The following SCRG1 variants were observed in gnomAD, a reference collection of about 807,000 sequenced individuals.
The protein encoded by SCRG1 is scrapie-responsive protein 1.
Under a neutral mutation model 7.7 loss-of-function variants are expected in SCRG1, and 3 were observed. The observed-to-expected ratio is 0.39, with a 90% CI of 0.18 to 1.01. The LOEUF is 1.01. Among genes scored for constraint, SCRG1 ranks in the 50% least tolerant of loss-of-function variants. SCRG1 has a pLI of 0.36. For missense variants in SCRG1, 110 were observed against 117.2 expected, an observed-to-expected ratio of 0.94 and a Z score of 0.28; for synonymous variants, 46 against 41.2, an observed-to-expected ratio of 1.12 and a Z score of -0.44.
At chr4:173,515,422 T>TAA in the SCRG1 span, among the ~76,000 whole-genome samples, 483 of 148,982 alleles carry the variant, frequency 3.2e-3, 2 homozygotes, top group Middle Eastern at 0.01. This position sits in a 1 kb window ranked among gnomAD's most constrained non-coding sequence, Gnocchi z 4.6. Context: ...GTGTTTGTGC[T>TAA]AAAAAAAAAA....
chr4:173,471,359 T>G, the SCRG1 span, among the ~76,000 whole-genome samples: 5 of 152,190 alleles, frequency 3.3e-5, no homozygotes, highest in Admixed American at 3.3e-4. Flanking sequence ...GCCTGACCGC[T>G]GGCATTATTG....
the SCRG1 span, among the ~76,000 whole-genome samples, chr4:173,418,561 A>G: frequency 9.8e-5 from 15 of 152,348 alleles, no homozygotes; most frequent in African/African-American, 3.1e-4. Context: ...ACCAGTACGG[A>G]GTTTGAACAC....
the SCRG1 span, among the ~76,000 whole-genome samples, chr4:173,508,927 T>G: frequency 1.3e-5 from 2 of 152,156 alleles, no homozygotes; most frequent in Non-Finnish European, 2.9e-5. The surrounding 1 kb of genome is among the most constrained non-coding windows in gnomAD (Gnocchi z 4.4). Context: ...CTCTGACAGT[T>G]TCTGCTTGCA....
At chr4:173,485,260 A>C in the SCRG1 span, among the ~76,000 whole-genome samples, 4 of 136,844 alleles carry the variant, frequency 2.9e-5, no homozygotes, top group Non-Finnish European at 6.1e-5. Context: ...AAATGATGTC[A>C]TGTGACTTCT....
chr4:173,507,061 C>T, the SCRG1 span, among the ~76,000 whole-genome samples: 3 of 152,252 alleles, frequency 2.0e-5, no homozygotes, highest in Admixed American at 6.5e-5. This position sits in a 1 kb window ranked among gnomAD's most constrained non-coding sequence, Gnocchi z 4.4. Flanking sequence ...GGGGTGGGGG[C>T]ATTGCCCTCT....
upstream of SCRG1, among the ~76,000 whole-genome samples, chr4:173,401,355 A>G (rs1269022564): frequency 3.3e-5 from 5 of 152,354 alleles, no homozygotes; most frequent in Non-Finnish European, 5.9e-5. Context: ...ATATGTGAAT[A>G]TGAGGAGGAA....
At chr4:173,484,307 A>G in the SCRG1 span, among the ~76,000 whole-genome samples, 1 of 67,988 alleles carries the variant, frequency 1.5e-5, no homozygotes, top group African/African-American at 5.9e-5. Flanking sequence ...TATATTTTAT[A>G]TATTATATAT....
chr4:173,422,432 A>G, the SCRG1 span, among the ~76,000 whole-genome samples: 1 of 152,342 alleles, frequency 6.6e-6, no homozygotes. Context: ...AAGGATTTAT[A>G]GAGTGACTTC....
the SCRG1 span, among the ~76,000 whole-genome samples, chr4:173,517,433 G>GTT: frequency 6.6e-6 from 1 of 152,036 alleles, no homozygotes; most frequent in Non-Finnish European, 1.5e-5. Context: ...GGAGTTTTGC[G>GTT]TTTTTTACCG....
At chr4:173,512,496 G>A in the SCRG1 span, among the ~76,000 whole-genome samples, 12 of 152,228 alleles carry the variant, frequency 7.9e-5, no homozygotes, top group African/African-American at 2.4e-4. Context: ...AAGTGCACAC[G>A]CAGAGAAAGT....
intron 1 of SCRG1, among the ~76,000 whole-genome samples, chr4:173,398,803 G>A (rs1739673685): frequency 6.6e-6 from 1 of 152,196 alleles, no homozygotes. Context: ...ATAAATGATA[G>A]TGAAGAATCT....
chr4:173,408,968 G>A (rs1322272653), upstream of SCRG1, among the ~76,000 whole-genome samples: 9 of 146,240 alleles, frequency 6.2e-5, no homozygotes, highest in African/African-American at 2.3e-4. Flanking sequence ...CTCCGGCCTG[G>A]GCGAAAGAGC....
At chr4:173,500,829 A>G in the SCRG1 span, among the ~76,000 whole-genome samples, 1 of 150,334 alleles carries the variant, frequency 6.7e-6, no homozygotes, top group African/African-American at 2.5e-5. Flanking sequence ...TGGGGAGTTT[A>G]TTAAATAGTC....
the SCRG1 span, among the ~76,000 whole-genome samples, chr4:173,429,311 G>A: frequency 6.6e-6 from 1 of 151,748 alleles, no homozygotes; most frequent in Non-Finnish European, 1.5e-5. Context: ...TTGAGACAAA[G>A]TCTTGTTCTG....
chr4:173,483,688 T>TGTGATATATCATATATATTATA, the SCRG1 span, among the ~76,000 whole-genome samples: 1 of 1,208 alleles, frequency 8.3e-4, no homozygotes, highest in African/African-American at 9.2e-4. Context: ...ATATATTATA[T>TGTGATATATCATATATATTATA]TGTGATATAT....
the SCRG1 span, among the ~76,000 whole-genome samples, chr4:173,503,682 A>T: frequency 6.6e-6 from 1 of 152,220 alleles, no homozygotes; most frequent in Non-Finnish European, 1.5e-5. The surrounding 1 kb of genome is among the most constrained non-coding windows in gnomAD (Gnocchi z 6.4). Context: ...AACATGCTGG[A>T]GACCACAAAG....
At chr4:173,483,152 A>G in the SCRG1 span, among the ~76,000 whole-genome samples, 2 of 75,008 alleles carry the variant, frequency 2.7e-5, no homozygotes, top group South Asian at 5.1e-4. Context: ...AAATATACAT[A>G]TGAAATATAT....
intron 1 of SCRG1, among the ~76,000 whole-genome samples, chr4:173,395,376 G>A (rs1739575441): frequency 6.6e-6 from 1 of 152,192 alleles, no homozygotes; most frequent in African/African-American, 2.4e-5. Context: ...AGCCTATAGA[G>A]GTCTTATGTT....
At chr4:173,449,137 A>G in the SCRG1 span, among the ~76,000 whole-genome samples, 1 of 152,200 alleles carries the variant, frequency 6.6e-6, no homozygotes, top group African/African-American at 2.4e-5. Context: ...ACTGCTGACA[A>G]CACTCTCACT....
Sources: allele counts gnomAD v4.1 joint callset (sites outside exome capture counted in the v4.1 genomes callset), GRCh38; gene constraint gnomAD v4.1.1; non-coding constraint Gnocchi (gnomAD v3.1); transcripts MANE v1.5; gene names NCBI Gene and HGNC (gene_info 2026-07-23, HGNC 2026-07-21).